The following TNIP2 variants were observed in gnomAD, a reference collection of about 807,000 sequenced individuals.
The protein encoded by TNIP2 is TNFAIP3 interacting protein 2.
In TNIP2, 30 loss-of-function variants were observed where a neutral mutation model predicts 43.7. The ratio of observed to expected loss-of-function variants is 0.69; its 90% CI spans 0.51 to 0.93. TNIP2 has a LOEUF of 0.93. TNIP2 is among the 40% of genes least tolerant of loss of function. The pLI, the probability that TNIP2 is intolerant of heterozygous loss-of-function variation, is 0.00. For missense variants in TNIP2, 599 were observed against 591.0 expected (o/e 1.01, Z -0.14); for synonymous variants, 260 against 254.6 (o/e 1.02, Z -0.20).
intron 1 of TNIP2, among the ~76,000 whole-genome samples, chr4:2,750,388 G>A (rs1373944881): frequency 1.5e-5 from 2 of 133,112 alleles, no homozygotes; most frequent in African/African-American, 2.9e-5. Context: ...CTATTACTGC[G>A]AGAACCCTGA....
intron 5 of TNIP2, among the ~76,000 whole-genome samples, chr4:2,743,941 G>T (rs1721864261): frequency 6.6e-6 from 1 of 152,162 alleles, no homozygotes; most frequent in African/African-American, 2.4e-5. Context: ...GGGGTGAGGG[G>T]CCCCTGCCCT....
At position 2,744,509 on chromosome 4, in the gene TNIP2, G is replaced by C; in HGVS notation, c.907-3C>G. 1 of 1,614,146 alleles carries C rather than the reference G, an allele frequency of 6.2e-7. No individual in the cohort carries two copies. Among genetic ancestry groups the C allele is most frequent in the Non-Finnish European group, 8.5e-7 (1 of 1,180,018 alleles). On this transcript the variant is annotated splice_region_variant and splice_polypyrimidine_tract_variant and intron_variant, in intron 4 of 5. Coordinates refer to ENST00000315423, the MANE Select transcript of TNIP2 (RefSeq NM_024309.4). This position sits in a 1 kb window ranked among gnomAD's most constrained non-coding sequence, Gnocchi z 5.1. ...AAGTCATCCTTGTAAGCGAGAATCTGAAGAGAGGCGAGACACACATTTCTG... is the reference window on the plus strand; with the variant it reads ...AAGTCATCCTTGTAAGCGAGAATCTCAAGAGAGGCGAGACACACATTTCTG...
Position 2,744,798 on chromosome 4 carries a change from C to T in TNIP2, c.805G>A (p.Glu269Lys). The change falls in exon 4 of 6, where the codon GAA (glutamate) becomes AAA (lysine). Residue 269 changes from glutamate to lysine, a missense_variant. Physicochemically the swap from Glu to Lys is moderately conservative, Grantham distance 56. Coordinates refer to ENST00000315423, the MANE Select transcript of TNIP2 (RefSeq NM_024309.4). The surrounding 1 kb of genome is among the most constrained non-coding windows in gnomAD (Gnocchi z 5.1). ...TCGGCACAGTCATTTATTTTCTCTT[C>T]CAACTGTCTGTTGAGCCGGGAGATC... ...KEISRLNRQL[E>K]EKINDCAEVK... 1.9e-6 allele frequency: 3 copies of T among 1,613,272 alleles called. No homozygotes were observed. The highest frequency in any genetic ancestry group is 2.5e-6 in the Non-Finnish European group (3 of 1,180,048).
chr4:2,742,365 G>A lies in TNIP2; in HGVS notation c.1182C>T (p.Gly394=), dbSNP rs770029173. 5 of 1,602,454 alleles carry A rather than the reference G, an allele frequency of 3.1e-6. No homozygotes were observed. The highest frequency in any genetic ancestry group is 1.1e-5 in the South Asian group (1 of 89,706). Residue 394 remains glycine (G), a synonymous_variant, in exon 6 of 6, where the codon GGC becomes GGT. Coordinates refer to ENST00000315423, the MANE Select transcript of TNIP2 (RefSeq NM_024309.4). ...PEPPAEGGHP[G]AAQRGQGDLQ... is the part of the protein sequence containing the mutation. ...GGTCCCCCTGGCCTCTCTGGGCCGC[G>A]CCAGGATGCCCGCCCTCTGCAGGGG...
Position 2,742,046 on chromosome 4 carries a change from A to ACTTCCAG in TNIP2, c.*210_*211insCTGGAAG, listed in dbSNP as rs1553919422. On this transcript the variant is annotated 3_prime_UTR_variant, in exon 6 of 6. Coordinates refer to ENST00000315423, the MANE Select transcript of TNIP2 (RefSeq NM_024309.4). ...GCCAGATGTTCCTGACCCCATCTCCACCTCCAGCCTCCAGCCTCACTGGCA... is the reference window on the plus strand; with the variant it reads ...GCCAGATGTTCCTGACCCCATCTCCACTTCCAGCCTCCAGCCTCCAGCCTCACTGGCA... 1 of 423,170 alleles carries ACTTCCAG rather than the reference A, an allele frequency of 2.4e-6. No homozygotes were observed. The highest frequency in any genetic ancestry group is 4.0e-6 in the Non-Finnish European group (1 of 247,514). The allele number at this position is 423,170 out of a possible 1,614,324, so 26.2% of individuals were successfully genotyped here. A position where few individuals can be genotyped will look rare whatever the true frequency, so the allele number is the denominator to read the frequency against.
rs1721802025 is a variant in TNIP2, at chr4:2,742,099, G to C, written c.*158C>G. On this transcript the variant is annotated 3_prime_UTR_variant, in exon 6 of 6. Coordinates refer to ENST00000315423, the MANE Select transcript of TNIP2 (RefSeq NM_024309.4). ...TCCCTGTGACCCAGCCTGTTCCATA[G>C]CCAAAGGGACCAAAGTGAACGATCA... is the stretch of plus-strand genomic sequence containing the variant. 2 of 699,462 alleles carry C rather than the reference G, an allele frequency of 2.9e-6. No homozygotes were observed. Among genetic ancestry groups the C allele is most frequent in the African/African-American group, 3.7e-5 (2 of 53,846 alleles). 43.3% of individuals were successfully genotyped at this position (699,462 alleles called of 1,614,324 possible).
rs1272290169 is a variant in TNIP2, at chr4:2,744,067, G to C, written c.1026+320C>G. Among the ~76,000 whole-genome samples, 2 of 152,218 alleles carry C rather than the reference G, an allele frequency of 1.3e-5. No individual in the cohort carries two copies. Among genetic ancestry groups the C allele is most frequent in the Non-Finnish European group, 2.9e-5 (2 of 68,040 alleles). ...CCGTCTCACAGACAGGTCAGGACAC[G>C]TAGGGAGCTCACACTTTGAGGCCCG... On this transcript the variant is annotated intron_variant, in intron 5 of 5. Transcript: ENST00000315423. This position sits in a 1 kb window ranked among gnomAD's most constrained non-coding sequence, Gnocchi z 5.1.
intron 2 of TNIP2, among the ~76,000 whole-genome samples, chr4:2,745,789 C>T (rs550732817): frequency 2.6e-5 from 4 of 152,376 alleles, no homozygotes; most frequent in Admixed American, 2.0e-4. Context: ...GTCCTTATCC[C>T]GTCCCACCTA....
chr4:2,751,590 C>T (rs1722103654), intron 1 of TNIP2, among the ~76,000 whole-genome samples: 1 of 151,200 alleles, frequency 6.6e-6, no homozygotes, highest in South Asian at 2.1e-4. Context: ...GGCAACATGG[C>T]GAGACCTTGT....
intron 1 of TNIP2, among the ~76,000 whole-genome samples, chr4:2,754,042 G>T (rs1722164909): frequency 6.6e-6 from 1 of 152,214 alleles, no homozygotes; most frequent in Admixed American, 6.5e-5. Flanking sequence ...TGCACTGTGG[G>T]ACTACAGCGG....
chr4:2,748,872 C>A (rs369745533), intron 1 of TNIP2, among the ~76,000 whole-genome samples: 1 of 150,970 alleles, frequency 6.6e-6, no homozygotes, highest in African/African-American at 2.4e-5. Flanking sequence ...TGGCTCACTG[C>A]AGCCTCGACC....
chr4:2,756,131 G>A lies in TNIP2; in HGVS notation c.159C>T (p.Ala53=), dbSNP rs372246338. 5.6e-4 allele frequency: 818 copies of A among 1,473,816 alleles called. 21 individuals are homozygous for A. In the East Asian group the frequency reaches 0.014, roughly 24 times the overall value. The allele number at this position is 1,473,816 out of a possible 1,614,324, so 91.3% of individuals were successfully genotyped here. The change falls in exon 1 of 6, where the codon GCC becomes GCT. Residue 53 remains alanine, a synonymous_variant. Transcript: ENST00000315423. ...ALIARLRARL[A]ALEGDAAPSL... ...ACGGCGCGGCGTCCCCCTCCAGCGC[G>A]GCCAGGCGGGCGCGGAGGCGAGCGA...
intron 1 of TNIP2, among the ~76,000 whole-genome samples, chr4:2,753,097 AAAAC>A (rs1054850158): frequency 6.2e-4 from 95 of 152,202 alleles, no homozygotes; most frequent in South Asian, 1.0e-3. Context: ...TAAAAATAAA[AAAAC>A]AAACAAACAA....
chr4:2,744,625 G>C lies in TNIP2; in HGVS notation c.906+72C>G. 6.3e-7 allele frequency: 1 copy of C among 1,587,258 alleles called. No individual in the cohort carries two copies. The highest frequency in any genetic ancestry group is 1.7e-5 in the Admixed American group (1 of 59,222). ...TGCCACCAAGCCTTCAGCCCAGCCT[G>C]TCCCATGATTTCGGCCACCACCGGC... On this transcript the variant is annotated intron_variant, in intron 4 of 5. Transcript: ENST00000315423. This position sits in a 1 kb window ranked among gnomAD's most constrained non-coding sequence, Gnocchi z 5.1.
chr4:2,746,738 C>G (rs183663479), intron 2 of TNIP2, among the ~76,000 whole-genome samples: 11 of 152,362 alleles, frequency 7.2e-5, no homozygotes, highest in African/African-American at 1.4e-4. Flanking sequence ...AGGCCCTGTG[C>G]CCGGCAGTGC....
chr4:2,742,425 G>C lies in TNIP2; in HGVS notation c.1122C>G (p.Gly374=). The C allele has an allele frequency of 6.2e-7, 1 of 1,612,978 alleles. No individual in the cohort carries two copies. Among genetic ancestry groups the C allele is most frequent in the South Asian group, 1.1e-5 (1 of 90,880 alleles). The change falls in exon 6 of 6, where the codon GGC becomes GGG. Residue 374 remains glycine, a synonymous_variant. Coordinates refer to ENST00000315423, the MANE Select transcript of TNIP2 (RefSeq NM_024309.4). ...ADALELMVPG[G]WRPGTGSQQP... ...GCTGGGACCCAGTCCCAGGCCTCCA[G>C]CCACCAGGCACCATAAGCTCTAATG...
Position 2,747,752 on chromosome 4 carries a change from G to A in TNIP2, c.470C>T (p.Thr157Met), listed in dbSNP as rs553488210. The A allele has an allele frequency of 2.8e-5, 45 of 1,609,920 alleles. No homozygotes were observed. Among genetic ancestry groups the A allele is most frequent in the African/African-American group, 1.7e-4 (13 of 75,064 alleles). The stretch of plus-strand genomic sequence containing the variant: ...ACACATGTGGGCGGTGGCGGTCAGC[G>A]TCCTCCGCAGCTGATGGGTCTCGTT... The part of the protein sequence containing the change: ...LANETHQLRR[T>M]LTATAHMCQH... Residue 157 changes from threonine (T) to methionine (M), a missense_variant, in exon 2 of 6, where the codon ACG becomes ATG. By Grantham distance (81) the Thr-to-Met change is moderately conservative. Coordinates refer to ENST00000315423, the MANE Select transcript of TNIP2 (RefSeq NM_024309.4).
Position 2,742,319 on chromosome 4 carries a change from G to A in TNIP2, c.1228C>T (p.Gln410Ter). 6.4e-7 allele frequency: 1 copy of A among 1,556,416 alleles called. No individual in the cohort carries two copies. The highest frequency in any genetic ancestry group is 8.7e-7 in the Non-Finnish European group (1 of 1,148,676). Residue 410 changes from glutamine to a stop codon, truncating the protein, a stop_gained, in exon 6 of 6, where the codon CAG (glutamine) becomes TAG (stop). Coordinates refer to ENST00000315423, the MANE Select transcript of TNIP2 (RefSeq NM_024309.4). LOFTEE classifies it high-confidence loss of function. ...TCCCCTTGCTCGTCACTGAAGCACT[G>A]CAGGCAGTGAGGGCACTGAAGGTCC... ...QGDLQCPHCL[Q>*]CFSDEQGEEL...
intron 1 of TNIP2, among the ~76,000 whole-genome samples, chr4:2,750,967 C>G (rs538621510): frequency 1.2e-3 from 183 of 152,298 alleles, no homozygotes; most frequent in African/African-American, 4.2e-3. Context: ...CACAGATGCC[C>G]AGTAAATGGG....
Sources: allele counts gnomAD v4.1 joint callset (sites outside exome capture counted in the v4.1 genomes callset), GRCh38; gene constraint gnomAD v4.1.1; non-coding constraint Gnocchi (gnomAD v3.1); transcripts MANE v1.5; gene names NCBI Gene and HGNC (gene_info 2026-07-23, HGNC 2026-07-21).